The following TXNDC16 variants were observed in gnomAD, a reference collection of about 807,000 sequenced individuals.
TXNDC16 encodes thioredoxin domain-containing protein 16.
Under a neutral mutation model 85.6 loss-of-function variants are expected in TXNDC16, and 74 were observed. That is an observed-to-expected ratio of 0.86 (90% CI 0.72 to 1.05). TXNDC16 has a LOEUF of 1.05. Among genes scored for constraint, TXNDC16 ranks in the 50% least tolerant of loss-of-function variants. TXNDC16 has a pLI of 0.00. For synonymous variants in TXNDC16, 335 were observed against 326.5 expected (o/e 1.03, Z -0.28); for missense variants, 959 against 947.0 (o/e 1.01, Z -0.17).
At chr14:52,521,278 AT>A (rs34014029) in intron 6 of TXNDC16, among the ~76,000 whole-genome samples, 3,153 of 134,382 alleles carry the variant, frequency 0.023, 39 homozygotes, top group Admixed American at 0.05. Flanking sequence ...ACGCCTGGCT[AT>A]TTTTTTTTTT....
At chr14:52,490,504 T>G in intron 10 of TXNDC16, 53 bp from the exon 11 acceptor site, 1 of 1,346,284 alleles carries the variant, frequency 7.4e-7, no homozygotes, top group South Asian at 1.3e-5. Flanking sequence ...AGAATAATAG[T>G]CACCCAGGAC....
Position 52,457,077 on chromosome 14 carries a change from G to A in TXNDC16, c.1703+13C>T, listed in dbSNP as rs768474333. The A allele has an allele frequency of 6.6e-7, 1 of 1,521,484 alleles. No individual in the cohort carries two copies. Among genetic ancestry groups the A allele is most frequent in the Non-Finnish European group, 8.9e-7 (1 of 1,119,630 alleles). 94.2% of individuals were successfully genotyped at this position (1,521,484 alleles called of 1,614,324 possible). Reference sequence around the variant, plus strand: ...TTTCTCCCTCCCTAAAATTAAAAGAGCAATAAACTTACAGTAGCAAAACAT... The same window carrying A: ...TTTCTCCCTCCCTAAAATTAAAAGAACAATAAACTTACAGTAGCAAAACAT... On this transcript the variant is annotated intron_variant, in intron 17 of 20. Coordinates refer to ENST00000281741, the MANE Select transcript of TXNDC16 (RefSeq NM_020784.3).
At chr14:52,453,094 T>C (rs190280726) in intron 18 of TXNDC16, among the ~76,000 whole-genome samples, 37 of 152,288 alleles carry the variant, frequency 2.4e-4, no homozygotes, top group Admixed American at 1.1e-3. Flanking sequence ...CTCAACATCA[T>C]TGATCATCAG....
intron 9 of TXNDC16, among the ~76,000 whole-genome samples, chr14:52,502,682 C>A (rs1364140797): frequency 6.6e-6 from 1 of 152,188 alleles, no homozygotes; most frequent in Non-Finnish European, 1.5e-5. Flanking sequence ...CCATTTCCAA[C>A]TGAGGTACAA....
chr14:52,519,633 A>G (rs2140193117), intron 6 of TXNDC16, among the ~76,000 whole-genome samples: 1 of 152,246 alleles, frequency 6.6e-6, no homozygotes, highest in East Asian at 1.9e-4. Context: ...ACAAACCTAA[A>G]CAGCAGGCTT....
At chr14:52,527,429 G>A (rs1449831573) in intron 6 of TXNDC16, among the ~76,000 whole-genome samples, 1 of 150,136 alleles carries the variant, frequency 6.7e-6, no homozygotes, top group African/African-American at 2.4e-5. Flanking sequence ...GAGGAAAAAT[G>A]ATTTTTGTTT....
intron 6 of TXNDC16, among the ~76,000 whole-genome samples, chr14:52,534,240 C>A (rs964177314): frequency 2.6e-5 from 4 of 152,148 alleles, no homozygotes; most frequent in African/African-American, 9.7e-5. Context: ...TTATCTCCTG[C>A]TTCACATTTT....
At chr14:52,514,036 G>A (rs1160863086) in intron 8 of TXNDC16, among the ~76,000 whole-genome samples, 1 of 152,034 alleles carries the variant, frequency 6.6e-6, no homozygotes, top group Non-Finnish European at 1.5e-5. Context: ...AATAAGGAGA[G>A]ACTAATGGAA....
intron 6 of TXNDC16, among the ~76,000 whole-genome samples, chr14:52,534,142 A>G (rs1457681609): frequency 6.6e-6 from 1 of 152,060 alleles, no homozygotes; most frequent in East Asian, 1.9e-4. Context: ...TGGACTCCTC[A>G]CTTTTCAGTG....
intron 14 of TXNDC16, among the ~76,000 whole-genome samples, chr14:52,481,361 T>G (rs1371842032): frequency 6.6e-6 from 1 of 151,958 alleles, no homozygotes; most frequent in Non-Finnish European, 1.5e-5. Flanking sequence ...AAAAAAAATT[T>G]TAAAAAAGGA....
At chr14:52,489,320 T>G (rs1398304084) in intron 11 of TXNDC16, among the ~76,000 whole-genome samples, 1 of 152,138 alleles carries the variant, frequency 6.6e-6, no homozygotes, top group Non-Finnish European at 1.5e-5. Flanking sequence ...TATTAAAAAA[T>G]ATTACTTAAG....
At chr14:52,528,476 T>G (rs950093391) in intron 6 of TXNDC16, among the ~76,000 whole-genome samples, 2 of 152,052 alleles carry the variant, frequency 1.3e-5, no homozygotes, top group African/African-American at 4.8e-5. Context: ...TGTCATTGAA[T>G]TTTTGTAAAT....
chr14:52,439,611 G>C (rs1243337601), intron 19 of TXNDC16, among the ~76,000 whole-genome samples: 1 of 152,146 alleles, frequency 6.6e-6, no homozygotes, highest in East Asian at 1.9e-4. Flanking sequence ...TCACTTGGGA[G>C]AAAAGCGGCA....
intron 13 of TXNDC16, 147 bp from the exon 14 acceptor site, chr14:52,482,436 A>C: frequency 1.4e-6 from 1 of 696,214 alleles, no homozygotes; most frequent in South Asian, 2.1e-5. Context: ...AACATAGTCC[A>C]ACCACTTAAG....
rs548696540 is a variant in TXNDC16 at position 52,464,348 on chromosome 14, T to C, written c.1618+5689A>G. On this transcript the variant is annotated intron_variant, in intron 16 of 20. Coordinates refer to ENST00000281741, the MANE Select transcript of TXNDC16 (RefSeq NM_020784.3). ...TTTTATGACAAACGACAGTGTTTTC[T>C]AGACTTTCTACATAATTACCCCCTA... Among the ~76,000 whole-genome samples the C allele has an allele frequency of 3.3e-5, 5 of 152,354 alleles. No homozygotes were observed. The East Asian group carries it at 9.6e-4, about 29-fold the overall frequency.
intron 12 of TXNDC16, among the ~76,000 whole-genome samples, chr14:52,484,200 G>C (rs992988803): frequency 1.1e-5 from 1 of 92,718 alleles, no homozygotes; most frequent in Non-Finnish European, 2.1e-5. Context: ...AAACAATAAG[G>C]GGGGGGGGTG....
intron 14 of TXNDC16, among the ~76,000 whole-genome samples, chr14:52,474,451 A>T (rs2035975432): frequency 6.6e-6 from 1 of 152,238 alleles, no homozygotes; most frequent in Non-Finnish European, 1.5e-5. Context: ...TTTTTAAAAA[A>T]ATGATTAGAG....
intron 6 of TXNDC16, among the ~76,000 whole-genome samples, chr14:52,520,039 T>C (rs1039062850): frequency 2.0e-5 from 3 of 152,198 alleles, no homozygotes; most frequent in Non-Finnish European, 4.4e-5. Flanking sequence ...AAACTTATAA[T>C]ACAGCCTAGT....
chr14:52,487,175 A>G (rs561684278), intron 12 of TXNDC16, among the ~76,000 whole-genome samples: 1 of 152,330 alleles, frequency 6.6e-6, no homozygotes, highest in East Asian at 1.9e-4. Flanking sequence ...GCAGGAAACA[A>G]GAGACCAGAA....
Sources: gnomAD v4.1 joint callset for allele counts (sites outside exome capture counted in the v4.1 genomes callset) on GRCh38, gnomAD v4.1.1 for gene constraint, MANE v1.5 for transcripts, NCBI Gene and HGNC (gene_info 2026-07-23, HGNC 2026-07-21) for gene names.